CRIM1: variants seen among roughly 807,000 people sequenced by gnomAD.
CRIM1 encodes cysteine-rich motor neuron 1 protein.
In CRIM1, 32 loss-of-function variants were observed where a neutral mutation model predicts 116.4. That is an observed-to-expected ratio of 0.27 (90% confidence interval 0.21 to 0.37). The LOEUF (loss-of-function observed/expected upper bound fraction) is 0.37. CRIM1 is among the 10% of genes least tolerant of loss of function. The pLI, the probability that CRIM1 is intolerant of heterozygous loss-of-function variation, is 1.00. For missense variants in CRIM1, 1,331 were observed against 1,354.8 expected (o/e 0.98, Z 0.28); for synonymous variants, 590 against 509.2 (o/e 1.16, Z -2.13).
chr2:36,408,736 C>T (rs1672996566), intron 2 of CRIM1, among the ~76,000 whole-genome samples: 1 of 151,964 alleles, frequency 6.6e-6, no homozygotes, highest in Admixed American at 6.6e-5. Flanking sequence ...AGACCATGAT[C>T]TGGGATTTTG....
At chr2:36,454,136 C>G (rs1309229186) in intron 4 of CRIM1, among the ~76,000 whole-genome samples, 1 of 152,208 alleles carries the variant, frequency 6.6e-6, no homozygotes, top group Non-Finnish European at 1.5e-5. Flanking sequence ...CCTGACCTCC[C>G]TCTCTGGCCA....
At chr2:36,480,587 T>C (rs966433366) in intron 7 of CRIM1, among the ~76,000 whole-genome samples, 1 of 152,206 alleles carries the variant, frequency 6.6e-6, no homozygotes, top group Non-Finnish European at 1.5e-5. Flanking sequence ...ACTAAGTCTT[T>C]TAAGTGCGAA....
intron 13 of CRIM1, among the ~76,000 whole-genome samples, chr2:36,525,164 A>G (rs771498048): frequency 4.6e-5 from 7 of 152,164 alleles, no homozygotes; most frequent in Non-Finnish European, 7.3e-5. Flanking sequence ...TTAATAATTT[A>G]TATGTGTTGT....
At chr2:36,421,094 C>T (rs927693270) in intron 2 of CRIM1, among the ~76,000 whole-genome samples, 5 of 152,144 alleles carry the variant, frequency 3.3e-5, no homozygotes, top group African/African-American at 9.7e-5. Flanking sequence ...TCCTTGGTCC[C>T]GCATAACTAC....
At chr2:36,513,325 T>A (rs940268651) in intron 10 of CRIM1, 1 of 519,900 alleles carries the variant, frequency 1.9e-6, no homozygotes, top group Non-Finnish European at 3.4e-6. Context: ...AAATCAGCGA[T>A]CATCCCACGA....
Position 36,510,251 on chromosome 2 carries a change from A to G in CRIM1, c.1658+112A>G, listed in dbSNP as rs186733127. On this transcript the variant is annotated intron_variant, in intron 9 of 16. Coordinates refer to ENST00000280527, the MANE Select transcript of CRIM1 (RefSeq NM_016441.3). ...AATTAATCTATGGTATATTGAGCCC[A>G]GAATGTCTATACTTGTTTTGTTAGG... The G allele has an allele frequency of 1.2e-4, 115 of 986,032 alleles. 1 individual carries two copies. Among genetic ancestry groups the G allele is most frequent in the African/African-American group, 7.2e-4 (44 of 61,464 alleles). The allele number at this position is 986,032 out of a possible 1,614,324, so 61.1% of individuals were successfully genotyped here.
At chr2:36,360,936 A>C (rs551475967) in intron 1 of CRIM1, among the ~76,000 whole-genome samples, 1 of 152,286 alleles carries the variant, frequency 6.6e-6, no homozygotes, top group East Asian at 1.9e-4. Context: ...GGGAGCCCTT[A>C]GATCCCAGAG....
intron 2 of CRIM1, among the ~76,000 whole-genome samples, chr2:36,415,247 C>G (rs1480087694): frequency 1.3e-5 from 2 of 152,066 alleles, no homozygotes; most frequent in Non-Finnish European, 2.9e-5. Flanking sequence ...TAAGGGGAGT[C>G]AAAATTACCT....
chr2:36,432,604 A>G (rs1334182396), intron 2 of CRIM1, among the ~76,000 whole-genome samples: 5 of 152,098 alleles, frequency 3.3e-5, no homozygotes, highest in African/African-American at 1.2e-4. Flanking sequence ...GCCACTCTGA[A>G]CTTTTTTCCT....
chr2:36,391,118 ATTTTTTTTTTTTTTTT>A (rs57108558), intron 1 of CRIM1, among the ~76,000 whole-genome samples: 1 of 67,240 alleles, frequency 1.5e-5, no homozygotes, highest in Non-Finnish European at 2.5e-5. Context: ...CCAACTTTTG[ATTTTTTTTTTTTTTTT>A]TTTTTTTTTT....
At chr2:36,392,193 C>G (rs1671668425) in intron 1 of CRIM1, among the ~76,000 whole-genome samples, 3 of 152,124 alleles carry the variant, frequency 2.0e-5, no homozygotes, top group Admixed American at 6.5e-5. Context: ...CTGTAGTACT[C>G]AATATTGGAC....
rs528662585 is a variant in CRIM1 at position 36,406,104 on chromosome 2, AC to A, written c.505+9318del. On this transcript the variant is annotated intron_variant, in intron 2 of 16. Coordinates refer to ENST00000280527, the MANE Select transcript of CRIM1 (RefSeq NM_016441.3). Reference sequence around the variant, plus strand: ...CAAAATATTTCCTAATATGTTATTGACTGTATTAGAAATAATCATTAATTCA... The same window carrying A: ...CAAAATATTTCCTAATATGTTATTGATGTATTAGAAATAATCATTAATTCA... Among the ~76,000 whole-genome samples, 459 of 152,320 alleles carry A rather than the reference AC, an allele frequency of 3.0e-3. 1 individual carries two copies. The highest frequency in any genetic ancestry group is 4.7e-3 in the Non-Finnish European group (319 of 68,038).
At position 36,389,899 on chromosome 2, in the gene CRIM1, A is replaced by G. The variant is rs189205114; in HGVS notation, c.332-6715A>G. On this transcript the variant is annotated intron_variant, in intron 1 of 16. Transcript: ENST00000280527. Reference sequence around the variant, plus strand: ...GCTCGTTCCTGTAGCTCCTTAGCACAGGGGGCTATATCTGCTGGAGCTGCT... The same window carrying G: ...GCTCGTTCCTGTAGCTCCTTAGCACGGGGGGCTATATCTGCTGGAGCTGCT... Among the ~76,000 whole-genome samples, 12 of 152,308 alleles carry G rather than the reference A, an allele frequency of 7.9e-5. No homozygotes were observed. In the East Asian group the frequency reaches 2.3e-3, roughly 29 times the overall value.
At chr2:36,484,316 A>G (rs545935089) in intron 7 of CRIM1, among the ~76,000 whole-genome samples, 1 of 152,212 alleles carries the variant, frequency 6.6e-6, no homozygotes, top group South Asian at 2.1e-4. Context: ...GTCATTAGAT[A>G]TTGAGAATTA....
intron 2 of CRIM1, among the ~76,000 whole-genome samples, chr2:36,422,200 G>T (rs956744689): frequency 1.3e-4 from 20 of 151,054 alleles, no homozygotes; most frequent in South Asian, 6.3e-4. Context: ...TTTCTTGGGG[G>T]ATTTGTCTCT....
chr2:36,527,975 G>A (rs1159483857), intron 13 of CRIM1, among the ~76,000 whole-genome samples: 1 of 152,016 alleles, frequency 6.6e-6, no homozygotes, highest in Non-Finnish European at 1.5e-5. Flanking sequence ...GTGATATGAT[G>A]TAACCCTAGT....
intron 9 of CRIM1, among the ~76,000 whole-genome samples, chr2:36,511,014 C>T (rs1240788698): frequency 1.3e-5 from 2 of 151,766 alleles, no homozygotes; most frequent in Admixed American, 6.6e-5. Flanking sequence ...CAGCCTCAAC[C>T]TCCCAGGCTG....
chr2:36,506,157 A>ACTCTCTCTCT (rs1191448142), intron 8 of CRIM1, among the ~76,000 whole-genome samples: 1 of 125,202 alleles, frequency 8.0e-6, no homozygotes, highest in Non-Finnish European at 1.6e-5. Context: ...ACACACACAC[A>ACTCTCTCTCT]CTCTCTCTCT....
At chr2:36,512,438 G>A (rs773691307) in intron 10 of CRIM1, 44 bp downstream of exon 10, 2 of 1,565,078 alleles carry the variant, frequency 1.3e-6, no homozygotes, top group Non-Finnish European at 1.7e-6. Context: ...GCAGCCAGGG[G>A]CACCGAAACA....
Sources: allele counts gnomAD v4.1 joint callset (sites outside exome capture counted in the v4.1 genomes callset), GRCh38; gene constraint gnomAD v4.1.1; transcripts MANE v1.5; gene names NCBI Gene and HGNC (gene_info 2026-07-23, HGNC 2026-07-21).